The following LINC00632 variants were observed in gnomAD, a reference collection of about 807,000 sequenced individuals.
LINC00632 encodes the protein long independently transcribed non-coding RNA 632, also known as ALDOA related specific transcript.
chrX:140,771,819 A>G (rs1931803863), intron 3 of LINC00632, among the ~76,000 whole-genome samples: 1 of 104,530 alleles, frequency 9.6e-6, no homozygotes, highest in African/African-American at 3.4e-5. Flanking sequence ...AGCTGGGATT[A>G]TAGGCATGTG....
chrX:140,748,285 A>T (rs1203964435), intron 3 of LINC00632, among the ~76,000 whole-genome samples: 1 of 112,462 alleles, frequency 8.9e-6, no homozygotes, highest in African/African-American at 3.2e-5. Context: ...TTTTGTTTTA[A>T]TGAAAGTTTG....
intron 3 of LINC00632, among the ~76,000 whole-genome samples, chrX:140,758,343 T>C (rs1286891905): frequency 9.2e-6 from 1 of 108,580 alleles, no homozygotes; most frequent in Admixed American, 1.0e-4. Context: ...AGCTATTGTG[T>C]AAAAATGATG....
chrX:140,746,640 A>G (rs2148391231), intron 3 of LINC00632, among the ~76,000 whole-genome samples: 1 of 112,342 alleles, frequency 8.9e-6, no homozygotes, highest in South Asian at 3.7e-4. Flanking sequence ...AACACTTCAT[A>G]CAAGGGCTAA....
intron 3 of LINC00632, among the ~76,000 whole-genome samples, chrX:140,742,877 G>GAGAGAGAGAGAGAGAGAGAGAGAGAGA (rs1209141726): frequency 1.1e-5 from 1 of 94,410 alleles, no homozygotes; most frequent in African/African-American, 4.1e-5. Flanking sequence ...GAGAGAGAGA[G>GAGAGAGAGAGAGAGAGAGAGAGAGAGA]AGGAAGGAAG....
intron 3 of LINC00632, among the ~76,000 whole-genome samples, chrX:140,736,563 A>G (rs1931148117): frequency 9.5e-6 from 1 of 105,121 alleles, no homozygotes; most frequent in African/African-American, 3.5e-5. Flanking sequence ...CAGCCTCCCG[A>G]GTAGCTGGGA....
intron 3 of LINC00632, among the ~76,000 whole-genome samples, chrX:140,757,723 C>T (rs949551007): frequency 9.0e-6 from 1 of 110,785 alleles, no homozygotes; most frequent in African/African-American, 3.3e-5. Context: ...AGCACCAGCA[C>T]GTCCAGCTAA....
exon 5 of LINC00632, among the ~76,000 whole-genome samples, chrX:140,790,461 A>G (rs999728186): frequency 9.0e-6 from 1 of 111,282 alleles, no homozygotes; most frequent in Non-Finnish European, 1.9e-5. Flanking sequence ...TAATTACTGT[A>G]GCATTATGTT....
At chrX:140,723,544 T>A (rs1930789646) in intron 2 of LINC00632, among the ~76,000 whole-genome samples, 2 of 12,116 alleles carry the variant, frequency 1.7e-4, no homozygotes, top group Non-Finnish European at 3.5e-4. Flanking sequence ...ACACACACAT[T>A]CCATACACAT....
At chrX:140,772,330 A>G in exon 4 of LINC00632, 1 of 296,517 alleles carries the variant, frequency 3.4e-6, no homozygotes, top group Non-Finnish European at 5.9e-6. Context: ...GCAGCCATTG[A>G]TCACACACGT....
chrX:140,784,537 G>A (rs1231909797), exon 5 of LINC00632: 2 of 555,163 alleles, frequency 3.6e-6, no homozygotes, highest in East Asian at 3.4e-5. Context: ...GTGTCTTCCA[G>A]CATCTTCATG....
chrX:140,776,776 C>T (rs1299757482), exon 5 of LINC00632, among the ~76,000 whole-genome samples: 2 of 111,280 alleles, frequency 1.8e-5, no homozygotes, highest in Admixed American at 1.9e-4. Context: ...TTTGACCCAG[C>T]AATCCCATTA....
chrX:140,748,824 A>C (rs1326399614), intron 3 of LINC00632, among the ~76,000 whole-genome samples: 2 of 105,880 alleles, frequency 1.9e-5, no homozygotes, highest in African/African-American at 6.8e-5. Flanking sequence ...TCTATGATAT[A>C]TTTTATCTAT....
chrX:140,765,109 T>C (rs2148398277), intron 3 of LINC00632, among the ~76,000 whole-genome samples: 1 of 111,981 alleles, frequency 8.9e-6, no homozygotes, highest in South Asian at 3.8e-4. Context: ...AGCTCAGACC[T>C]TGCACTTGAA....
intron 3 of LINC00632, among the ~76,000 whole-genome samples, chrX:140,737,163 G>A (rs1017944481): frequency 1.8e-5 from 2 of 110,978 alleles, no homozygotes; most frequent in African/African-American, 6.6e-5. Flanking sequence ...GCCTCCCAAA[G>A]TGCTGGCATT....
intron 3 of LINC00632, among the ~76,000 whole-genome samples, chrX:140,768,182 T>C (rs768532377): frequency 9.0e-6 from 1 of 111,370 alleles, no homozygotes; most frequent in Admixed American, 9.7e-5. Context: ...CCACATGTCA[T>C]CTTTGAGCTT....
At chrX:140,762,936 T>C (rs1338812237) in intron 3 of LINC00632, among the ~76,000 whole-genome samples, 1 of 112,244 alleles carries the variant, frequency 8.9e-6, no homozygotes, top group Admixed American at 9.4e-5. Context: ...AAAGACTTCT[T>C]AGCTATCAGA....
At chrX:140,743,094 G>C (rs968828983) in intron 3 of LINC00632, among the ~76,000 whole-genome samples, 1 of 106,828 alleles carries the variant, frequency 9.4e-6, no homozygotes, top group African/African-American at 3.4e-5. Context: ...GCATAGTGGC[G>C]GGCACCTGTA....
chrX:140,746,751 G>A (rs1931331931), intron 3 of LINC00632, among the ~76,000 whole-genome samples: 2 of 112,017 alleles, frequency 1.8e-5, no homozygotes, highest in African/African-American at 6.5e-5. Context: ...AGAGCCGTGT[G>A]CTTGCTGGGA....
exon 5 of LINC00632, among the ~76,000 whole-genome samples, chrX:140,775,381 C>A (rs1250813358): frequency 8.9e-6 from 1 of 111,981 alleles, no homozygotes; most frequent in Non-Finnish European, 1.9e-5. Flanking sequence ...GGAAAAAAAA[C>A]CACAAAGCCA....
Sources: allele counts gnomAD v4.1 joint callset (sites outside exome capture counted in the v4.1 genomes callset), GRCh38; gene constraint gnomAD v4.1.1; transcripts MANE v1.5; gene names NCBI Gene and HGNC (gene_info 2026-07-23, HGNC 2026-07-21).